B4GALT2: variants seen among roughly 807,000 people sequenced by gnomAD.
B4GALT2 encodes the protein N-acetyllactosamine synthase.
Under a neutral mutation model 33.2 loss-of-function variants are expected in B4GALT2, and 18 were observed. The observed-to-expected ratio is 0.54, with a 90% CI of 0.38 to 0.80. The LOEUF (loss-of-function observed/expected upper bound fraction) is 0.80. Among genes scored for constraint, B4GALT2 ranks in the 30% least tolerant of loss-of-function variants. The pLI is 0.00. For synonymous variants in B4GALT2, 214 were observed against 217.6 expected (o/e 0.98, Z 0.15); for missense variants, 404 against 526.2 (o/e 0.77, Z 2.27).
intron 3 of B4GALT2, among the ~76,000 whole-genome samples, chr1:43,983,298 G>C (rs142059278): frequency 6.6e-6 from 1 of 152,354 alleles, no homozygotes; most frequent in East Asian, 1.9e-4. Flanking sequence ...GGGCATGAGA[G>C]GAGGAAGCCA....
rs771070208 is a variant in B4GALT2 at position 43,985,001 on chromosome 1, G to A, written c.686G>A (p.Arg229His). Residue 229 changes from arginine to histidine, a missense_variant, in exon 4 of 7, where the codon CGC becomes CAC. By Grantham distance (29) the Arg-to-His change is conservative (BLOSUM62 0). Transcript: ENST00000372324. ...CCCATGGATGACCGCAACCTATACC[G>A]CTGCGGCGACCAACCCCGCCACTTT... is the stretch of plus-strand genomic sequence containing the variant. Reference protein sequence around the residue: ...LVPMDDRNLYRCGDQPRHFAI... With the variant: ...LVPMDDRNLYHCGDQPRHFAI... 5.0e-6 allele frequency: 8 copies of A among 1,613,004 alleles called. No individual in the cohort carries two copies. Among genetic ancestry groups the A allele is most frequent in the Middle Eastern group, 1.6e-4 (1 of 6,084 alleles).
rs778603474 is a variant in B4GALT2 at position 43,990,433 on chromosome 1, GC to G, written c.1109del (p.Pro370LeufsTer36). 3 of 1,614,106 alleles carry G rather than the reference GC, an allele frequency of 1.9e-6. No homozygotes were observed. The highest frequency in any genetic ancestry group is 2.5e-6 in the Non-Finnish European group (3 of 1,180,022). On this transcript the variant is annotated frameshift_variant, in exon 7 of 7. Transcript: ENST00000372324. LOFTEE classifies it high-confidence loss of function. ...TGGACATTGGGCGGCCTCCGTCGTGGCCCCCTCGGGGCTGACACTAATGGAC... is the reference window on the plus strand; with the variant it reads ...TGGACATTGGGCGGCCTCCGTCGTGGCCCCTCGGGGCTGACACTAATGGAC... ...TVDIGRPPSW[P>X]PRG
At chr1:43,985,447 G>GTTCAGAAT in intron 5 of B4GALT2, 47 bp downstream of exon 5, 1 of 860,480 alleles carries the variant, frequency 1.2e-6, no homozygotes, top group Non-Finnish European at 1.8e-6. Context: ...GGGGGGAGGG[G>GTTCAGAAT]GGGTGCAGAC....
rs772418803 is a variant in B4GALT2, at chr1:43,981,868, C to G, written c.493C>G (p.Leu165Val). 1.2e-6 allele frequency: 2 copies of G among 1,614,022 alleles called. No individual in the cohort carries two copies. Among genetic ancestry groups the G allele is most frequent in the Non-Finnish European group, 1.7e-6 (2 of 1,180,018 alleles). The change falls in exon 3 of 7, where the codon CTA (leucine) becomes GTA (valine). Residue 165 changes from leucine to valine, a missense_variant. Physicochemically the swap from Leu to Val is conservative, Grantham distance 32 (BLOSUM62 1). Coordinates refer to ENST00000372324, the MANE Select transcript of B4GALT2 (RefSeq NM_003780.5). The surrounding 1 kb of genome is among the most constrained non-coding windows in gnomAD (Gnocchi z 8.1). ...CCACCTGCGCTACTGGCTCCACTAT[C>G]TACACCCCATCTTGAGGCGGCAGCG... ...EHHLRYWLHY[L>V]HPILRRQRLR...
chr1:43,985,400 G>A lies in B4GALT2; in HGVS notation c.863G>A (p.Arg288Gln). 2 of 1,549,892 alleles carry A rather than the reference G, an allele frequency of 1.3e-6. No homozygotes were observed. The highest frequency in any genetic ancestry group is 1.8e-6 in the Non-Finnish European group (2 of 1,139,272). Residue 288 changes from arginine (R) to glutamine (Q), a missense_variant and splice_region_variant, in exon 5 of 7, where the codon CGG (arginine) becomes CAG (glutamine). Coordinates refer to ENST00000372324, the MANE Select transcript of B4GALT2 (RefSeq NM_003780.5). ...WGGEDDDIFN[R>Q]ISLTGMKISR... ...GGCGAGGATGATGACATCTTCAACC[G>A]GTGAGTAAGCACGCGGTGGGGAATA... is the stretch of plus-strand genomic sequence containing the variant.
intron 1 of B4GALT2, chr1:43,980,266 G>A: frequency 2.0e-6 from 1 of 509,142 alleles, no homozygotes. Flanking sequence ...TTCCTGCCAT[G>A]CCCAGTGCTG....
Position 43,982,532 on chromosome 1 carries a change from G to A in B4GALT2, c.549+608G>A, listed in dbSNP as rs750608477. Among the ~76,000 whole-genome samples, 1 of 152,198 alleles carries A rather than the reference G, an allele frequency of 6.6e-6. No individual in the cohort carries two copies. Among genetic ancestry groups the A allele is most frequent in the Non-Finnish European group, 1.5e-5 (1 of 68,034 alleles). On this transcript the variant is annotated intron_variant, in intron 3 of 6. Coordinates refer to ENST00000372324, the MANE Select transcript of B4GALT2 (RefSeq NM_003780.5). This position sits in a 1 kb window ranked among gnomAD's most constrained non-coding sequence, Gnocchi z 4.3. ...GGGGTTGGGAAGCAGTTGCTGAGATGGGTCTTGCGGGATGAGCAGGCATCA... is the reference window on the plus strand; with the variant it reads ...GGGGTTGGGAAGCAGTTGCTGAGATAGGTCTTGCGGGATGAGCAGGCATCA...
Position 43,979,960 on chromosome 1 carries a change from T to C in B4GALT2, c.-53+449T>C. On this transcript the variant is annotated intron_variant, in intron 1 of 6. Transcript: ENST00000372324. The surrounding 1 kb of genome is among the most constrained non-coding windows in gnomAD (Gnocchi z 4.8). ...CAGAACCCCTGCGCCGGAGGGAGGG[T>C]GGGAATGTCTGCACGTGGGTCTGGG... The C allele has an allele frequency of 6.6e-7, 1 of 1,524,166 alleles. No homozygotes were observed. The allele number at this position is 1,524,166 out of a possible 1,614,324, so 94.4% of individuals were successfully genotyped here. A position where few individuals can be genotyped will look rare whatever the true frequency, so the allele number is the denominator to read the frequency against.
chr1:43,985,102 G>A (rs2085641698), intron 4 of B4GALT2, 47 bp downstream of exon 4: 6 of 1,601,414 alleles, frequency 3.7e-6, no homozygotes, highest in Non-Finnish European at 5.1e-6. Context: ...GCCCCCACCA[G>A]ACGCAGGCCC....
chr1:43,979,229 G>T lies in B4GALT2; in HGVS notation c.-335G>T, dbSNP rs1276549834. ...GGGCCTGCCCCTCCGAGGCGCCGTAGCGCGGGAGGGAGGCGGCGGCGCTGT... is the reference window on the plus strand; with the variant it reads ...GGGCCTGCCCCTCCGAGGCGCCGTATCGCGGGAGGGAGGCGGCGGCGCTGT... On this transcript the variant is annotated 5_prime_UTR_variant, in exon 1 of 7. Transcript: ENST00000372324. The surrounding 1 kb of genome is among the most constrained non-coding windows in gnomAD (Gnocchi z 4.8). 6.8e-6 allele frequency: 1 copy of T among 146,170 alleles called. No homozygotes were observed. Among genetic ancestry groups the T allele is most frequent in the East Asian group, 2.0e-4 (1 of 5,024 alleles). 9.1% of individuals were successfully genotyped at this position (146,170 alleles called of 1,614,324 possible). A position where few individuals can be genotyped will look rare whatever the true frequency, so the allele number is the denominator to read the frequency against.
chr1:43,979,246 C>A lies in B4GALT2; in HGVS notation c.-318C>A, dbSNP rs1458795573. 3.4e-5 allele frequency: 5 copies of A among 146,072 alleles called. No individual in the cohort carries two copies. The highest frequency in any genetic ancestry group is 1.2e-4 in the African/African-American group (5 of 40,620). The allele number at this position is 146,072 out of a possible 1,614,324, so 9.0% of individuals were successfully genotyped here. On this transcript the variant is annotated 5_prime_UTR_variant, in exon 1 of 7. Coordinates refer to ENST00000372324, the MANE Select transcript of B4GALT2 (RefSeq NM_003780.5). This position sits in a 1 kb window ranked among gnomAD's most constrained non-coding sequence, Gnocchi z 4.8. ...GCGCCGTAGCGCGGGAGGGAGGCGG[C>A]GGCGCTGTGGTCCGTGGGTCCGCCG...
intron 6 of B4GALT2, among the ~76,000 whole-genome samples, chr1:43,986,875 C>T (rs143618284): frequency 3.9e-5 from 6 of 152,280 alleles, no homozygotes; most frequent in Non-Finnish European, 7.4e-5. Context: ...CTGAAGGAAT[C>T]GATGGAGTCC....
In B4GALT2 at chr1:43,979,991, G is replaced by C. The variant is rs145774542; in HGVS notation, c.-53+480G>C. The C allele has an allele frequency of 5.6e-3, 8,495 of 1,527,010 alleles. 39 individuals carry two copies. The highest frequency in any genetic ancestry group is 6.5e-3 in the Non-Finnish European group (7,396 of 1,142,410). 94.6% of individuals were successfully genotyped at this position (1,527,010 alleles called of 1,614,324 possible). A position where few individuals can be genotyped will look rare whatever the true frequency, so the allele number is the denominator to read the frequency against. On this transcript the variant is annotated intron_variant, in intron 1 of 6. Transcript: ENST00000372324. This position sits in a 1 kb window ranked among gnomAD's most constrained non-coding sequence, Gnocchi z 4.8. ...TGTCTGCACGTGGGTCTGGGTGTGA[G>C]CTGTCTGAGAGTCTGGATGTATGGC...
intron 6 of B4GALT2, chr1:43,985,919 G>A: frequency 4.3e-6 from 2 of 466,886 alleles, no homozygotes; most frequent in Non-Finnish European, 7.8e-6. Flanking sequence ...AATAGTCATT[G>A]AGTAGATTGC....
Position 43,981,956 on chromosome 1 carries a change from T to C in B4GALT2, c.549+32T>C. 1.9e-6 allele frequency: 3 copies of C among 1,602,640 alleles called. No individual in the cohort carries two copies. The highest frequency in any genetic ancestry group is 2.6e-6 in the Non-Finnish European group (3 of 1,171,410). On this transcript the variant is annotated intron_variant, in intron 3 of 6. Transcript: ENST00000372324. This position sits in a 1 kb window ranked among gnomAD's most constrained non-coding sequence, Gnocchi z 8.1. ...ATGCGGGGGTCCATGTGCCTGTTGG[T>C]GTATATATGTGGGTTGGGGGCGTTT...
rs774201196 is a variant in B4GALT2, at chr1:43,981,459, C to G, written c.299C>G (p.Ser100Trp). Residue 100 changes from serine to tryptophan, a missense_variant, in exon 2 of 7, where the codon TCG becomes TGG. Coordinates refer to ENST00000372324, the MANE Select transcript of B4GALT2 (RefSeq NM_003780.5). This position sits in a 1 kb window ranked among gnomAD's most constrained non-coding sequence, Gnocchi z 8.1. ...TAPTLPPCPD[S>W]PPGLVGRLLI... is the part of the protein sequence containing the mutation. ...CCCACGCTGCCACCCTGTCCTGACT[C>G]GCCACCTGGTCTTGGTGAGCCTGGA... 6.3e-7 allele frequency: 1 copy of G among 1,581,308 alleles called. No individual in the cohort carries two copies. The highest frequency in any genetic ancestry group is 8.6e-7 in the Non-Finnish European group (1 of 1,167,548).
In B4GALT2 at chr1:43,985,822, C is replaced by A; in HGVS notation, c.968+201C>A. 5 of 605,576 alleles carry A rather than the reference C, an allele frequency of 8.3e-6. No individual in the cohort carries two copies. In the Admixed American group the frequency reaches 1.4e-4, roughly 17 times the overall value. 37.5% of individuals were successfully genotyped at this position (605,576 alleles called of 1,614,324 possible). ...GACTGCTGGCACCCCTGATCGTTGT[C>A]CCCCAACCCCCAGCCCAGCCTCAGC... is the stretch of plus-strand genomic sequence containing the variant. On this transcript the variant is annotated intron_variant, in intron 6 of 6. Coordinates refer to ENST00000372324, the MANE Select transcript of B4GALT2 (RefSeq NM_003780.5).
rs1557652391 is a variant in B4GALT2 at position 43,985,600 on chromosome 1, A to G, written c.947A>G (p.His316Arg). ...YRMIKHDRDKHNEPNPQRFTK... is the reference protein window; with the variant it reads ...YRMIKHDRDKRNEPNPQRFTK... ...ATGATCAAGCACGACCGCGACAAGC[A>G]TAACGAACCTAACCCTCAGAGGTGA... The change falls in exon 6 of 7, where the codon CAT becomes CGT. Residue 316 changes from histidine to arginine, a missense_variant. Transcript: ENST00000372324. 6.2e-7 allele frequency: 1 copy of G among 1,614,018 alleles called. No individual in the cohort carries two copies.
chr1:43,985,690 A>G (rs2085651267), intron 6 of B4GALT2, 69 bp downstream of exon 6: 16 of 1,490,564 alleles, frequency 1.1e-5, no homozygotes, highest in Non-Finnish European at 1.4e-5. Flanking sequence ...CTTGACCCCA[A>G]GTGGCCCAAT....
Sources: gnomAD v4.1 joint callset for allele counts (sites outside exome capture counted in the v4.1 genomes callset) on GRCh38, gnomAD v4.1.1 for gene constraint, Gnocchi (gnomAD v3.1) non-coding constraint, MANE v1.5 for transcripts, NCBI Gene and HGNC (gene_info 2026-07-23, HGNC 2026-07-21) for gene names.